The following YIF1B variants were observed in gnomAD, a reference collection of about 807,000 sequenced individuals.
YIF1B encodes Yip1 interacting factor homolog B, membrane trafficking protein.
Under a neutral mutation model 34.6 loss-of-function variants are expected in YIF1B, and 24 were observed. The ratio of observed to expected loss-of-function variants is 0.69; its 90% confidence interval spans 0.50 to 0.98. The LOEUF (loss-of-function observed/expected upper bound fraction) is 0.98. YIF1B is among the 50% of genes least tolerant of loss of function. The probability of loss-of-function intolerance (pLI) is 0.00; values close to 1 mark genes in which losing one functional copy is unlikely to be tolerated. For missense variants in YIF1B, 368 were observed against 429.4 expected, an observed-to-expected ratio of 0.86 and a Z score of 1.26; for synonymous variants, 186 against 184.8, an observed-to-expected ratio of 1.01 and a Z score of -0.05.
rs968032561 is a variant in YIF1B at position 38,315,861 on chromosome 19, C to T, written c.57G>A (p.Trp19Ter). The change falls in exon 1 of 8, where the codon TGG becomes TGA. Residue 19 changes from tryptophan (W) to a stop codon, truncating the protein, a stop_gained and splice_region_variant. Transcript: ENST00000339413. LOFTEE classifies it high-confidence loss of function. ...AAAGTPRLRK[W>*]PSKRRIPVSQ... is the part of the protein sequence containing the mutation. ...CGATCTCCTCCGCCGGCCACGTACGCCACTTACGCAGCCGGGGCGTCCCCG... is the reference window on the plus strand; with the variant it reads ...CGATCTCCTCCGCCGGCCACGTACGTCACTTACGCAGCCGGGGCGTCCCCG... 6.7e-7 allele frequency: 1 copy of T among 1,503,366 alleles called. No individual in the cohort carries two copies. The highest frequency in any genetic ancestry group is 1.4e-5 in the African/African-American group (1 of 69,266). The allele number at this position is 1,503,366 out of a possible 1,614,324, so 93.1% of individuals were successfully genotyped here. A position where few individuals can be genotyped will look rare whatever the true frequency, so the allele number is the denominator to read the frequency against.
upstream of YIF1B, among the ~76,000 whole-genome samples, chr19:38,321,740 G>A (rs563989108): frequency 3.9e-5 from 6 of 152,218 alleles, no homozygotes; most frequent in African/African-American, 9.6e-5. Context: ...GTGACTTCTC[G>A]TTAGCTGACC....
At chr19:38,311,957 C>T (rs972750577) in intron 1 of YIF1B, among the ~76,000 whole-genome samples, 2 of 150,946 alleles carry the variant, frequency 1.3e-5, no homozygotes, top group African/African-American at 4.9e-5. Flanking sequence ...ATGAGCTGGG[C>T]ATGGTGGTGC....
chr19:38,304,329 C>CA lies in YIF1B; in HGVS notation c.*1022dup. On this transcript the variant is annotated 3_prime_UTR_variant, in exon 8 of 8. Coordinates refer to ENST00000339413, the MANE Select transcript of YIF1B (RefSeq NM_001039672.3). ...GACTGGAGGTGCAGGGGGCCGGACT[C>CA]AAGCCCAGAAGCTGCCTGCACCAAC... 6.2e-7 allele frequency: 1 copy of CA among 1,612,648 alleles called. No homozygotes were observed. Among genetic ancestry groups the CA allele is most frequent in the Non-Finnish European group, 8.5e-7 (1 of 1,179,750 alleles).
Position 38,305,125 on chromosome 19 carries a change from C to T in YIF1B, c.*227G>A. Reference sequence around the variant, plus strand: ...GAGAGGCTGTCCACGCCATGCCCATCAGGGTTTATTGTTTCTGTAACAGCG... The same window carrying T: ...GAGAGGCTGTCCACGCCATGCCCATTAGGGTTTATTGTTTCTGTAACAGCG... On this transcript the variant is annotated 3_prime_UTR_variant, in exon 8 of 8. Transcript: ENST00000339413. 2 of 1,437,706 alleles carry T rather than the reference C, an allele frequency of 1.4e-6. No individual in the cohort carries two copies. Among genetic ancestry groups the T allele is most frequent in the Middle Eastern group, 4.2e-4 (2 of 4,768 alleles). The allele number at this position is 1,437,706 out of a possible 1,614,324, so 89.1% of individuals were successfully genotyped here.
At chr19:38,312,964 T>C (rs1241971404) in intron 1 of YIF1B, among the ~76,000 whole-genome samples, 2 of 152,198 alleles carry the variant, frequency 1.3e-5, no homozygotes, top group Admixed American at 1.3e-4. Context: ...TTCTTCTTTT[T>C]TTTTTAGACA....
chr19:38,309,779 G>A, intron 1 of YIF1B, 136 bp from the exon 2 acceptor site: 1 of 1,440,834 alleles, frequency 6.9e-7, no homozygotes. Flanking sequence ...TGGCTTTGAT[G>A]TCAGATGGAC....
chr19:38,308,658 T>C, intron 5 of YIF1B, 134 bp downstream of exon 5: 2 of 1,036,896 alleles, frequency 1.9e-6, no homozygotes, highest in Admixed American at 1.8e-5. Flanking sequence ...CCCTGAGGGC[T>C]GTATCTTGGG....
chr19:38,309,814 A>G (rs903450859), intron 1 of YIF1B, 171 bp from the exon 2 acceptor site: 11 of 1,431,540 alleles, frequency 7.7e-6, no homozygotes, highest in Non-Finnish European at 1.0e-5. Context: ...TCTGCCATTC[A>G]TCCACCAACC....
chr19:38,308,796 C>A lies in YIF1B; in HGVS notation c.535G>T (p.Asp179Tyr). The A allele has an allele frequency of 6.2e-7, 1 of 1,613,942 alleles. No homozygotes were observed. The highest frequency in any genetic ancestry group is 8.5e-7 in the Non-Finnish European group (1 of 1,179,902). ...CCTGCCCCAGGCCTCCCTTACCTAT[C>A]CTGGGTCCCCAGCGCAAGACCAGCC... is the stretch of plus-strand genomic sequence containing the variant. ...LVAGLALGTQ[D>Y]RFSPDLLGLQ... Residue 179 changes from aspartate (D) to tyrosine (Y), a missense_variant, in exon 5 of 8, where the codon GAT becomes TAT. Physicochemically the swap from Asp to Tyr is radical, Grantham distance 160 (BLOSUM62 -3). Transcript: ENST00000339413.
chr19:38,316,041 C>A (rs1480554623), upstream of YIF1B: 15 of 1,303,072 alleles, frequency 1.2e-5, no homozygotes, highest in Non-Finnish European at 1.4e-5. Flanking sequence ...CCCCCACCCC[C>A]CCGACCCCTC....
At chr19:38,321,404 T>C (rs561703162), upstream of YIF1B, among the ~76,000 whole-genome samples, 1 of 152,190 alleles carries the variant, frequency 6.6e-6, no homozygotes, top group South Asian at 2.1e-4. Flanking sequence ...TGCAGGATTT[T>C]CCTCCCAATA....
At chr19:38,307,789 TC>T (rs1307514229) in intron 5 of YIF1B, 37 bp from the exon 6 acceptor site, 2 of 1,607,192 alleles carry the variant, frequency 1.2e-6, no homozygotes, top group Non-Finnish European at 8.5e-7. Flanking sequence ...GTTGGCTGGT[TC>T]AGACCCCCCA....
intron 1 of YIF1B, chr19:38,315,513 G>A (rs1184082193): frequency 7.1e-7 from 1 of 1,403,302 alleles, no homozygotes; most frequent in Non-Finnish European, 9.2e-7. Context: ...TGCGCTCCCG[G>A]GGGGCCACGA....
Position 38,305,276 on chromosome 19 carries a change from G to A in YIF1B, c.*76C>T, listed in dbSNP as rs1968954889. 1 of 1,540,340 alleles carries A rather than the reference G, an allele frequency of 6.5e-7. No homozygotes were observed. Among genetic ancestry groups the A allele is most frequent in the African/African-American group, 1.3e-5 (1 of 74,122 alleles). ...CCAGACAGGGTGGACCTTGGGGCCT[G>A]CAGGCAGGAGATGAGTTCGGCGGCC... On this transcript the variant is annotated 3_prime_UTR_variant, in exon 8 of 8. Transcript: ENST00000339413.
At chr19:38,320,252 G>T, upstream of YIF1B, 1 of 1,606,270 alleles carries the variant, frequency 6.2e-7, no homozygotes. Flanking sequence ...TTCTTCGCCA[G>T]CACGCTGATC....
intron 7 of YIF1B, chr19:38,306,720 C>T (rs1312682235): frequency 4.2e-6 from 1 of 236,976 alleles, no homozygotes; most frequent in African/African-American, 2.4e-5. Flanking sequence ...CTCGCTCTGT[C>T]ACCCAGGCTG....
intron 5 of YIF1B, among the ~76,000 whole-genome samples, chr19:38,308,292 G>A (rs988517296): frequency 6.6e-6 from 1 of 152,082 alleles, no homozygotes; most frequent in Non-Finnish European, 1.5e-5. Flanking sequence ...GCAGAGGGGA[G>A]TTGATGTGAC....
upstream of YIF1B, chr19:38,317,392 T>C (rs1022671859): frequency 6.6e-6 from 1 of 152,256 alleles, no homozygotes; most frequent in Non-Finnish European, 1.5e-5. Flanking sequence ...CTGCTCCTGG[T>C]TTCTCAGTGA....
rs551134869 is a variant in YIF1B, at chr19:38,304,542, CT to C, written c.*809del. 18 of 1,586,390 alleles carry C rather than the reference CT, an allele frequency of 1.1e-5. No individual in the cohort carries two copies. The African/African-American group carries it at 2.0e-4, about 18-fold the overall frequency. ...AGGGGCGGGAAGGCTGGGGTTGCCC[CT>C]GACCCCAGGGTCCTGCCTTAGGCCT... On this transcript the variant is annotated 3_prime_UTR_variant, in exon 8 of 8. Coordinates refer to ENST00000339413, the MANE Select transcript of YIF1B (RefSeq NM_001039672.3).
Sources: allele counts gnomAD v4.1 joint callset (sites outside exome capture counted in the v4.1 genomes callset), GRCh38; gene constraint gnomAD v4.1.1; transcripts MANE v1.5; gene names NCBI Gene and HGNC (gene_info 2026-07-23, HGNC 2026-07-21).